The following ERLN variants were observed in gnomAD, a reference collection of about 807,000 sequenced individuals.
ERLN encodes endoregulin, also known as small integral membrane protein 6.
chr17:75,647,816 C>T, the ERLN span: 1 of 437,264 alleles, frequency 2.3e-6, no homozygotes, highest in Non-Finnish European at 4.2e-6. Context: ...CGACCAGAAC[C>T]CTAAAAGCAC....
At chr17:75,647,356 G>A in the ERLN span, 1 of 1,538,860 alleles carries the variant, frequency 6.5e-7, no homozygotes, top group Non-Finnish European at 8.8e-7. Flanking sequence ...CAGGTCCTCT[G>A]TCCCTCTTTT....
the ERLN span, among the ~76,000 whole-genome samples, chr17:75,647,178 G>A: frequency 3.9e-5 from 6 of 152,220 alleles, no homozygotes; most frequent in Non-Finnish European, 8.8e-5. Context: ...TCTAGAGCGG[G>A]GGAAATGCCA....
At chr17:75,647,743 A>T in the ERLN span, 1 of 634,220 alleles carries the variant, frequency 1.6e-6, no homozygotes, top group East Asian at 2.9e-5. Context: ...TCAGACTAGT[A>T]AGATGGGGAG....
At chr17:75,647,477 C>T in the ERLN span, 283 of 1,550,222 alleles carry the variant, frequency 1.8e-4, no homozygotes, top group Non-Finnish European at 2.3e-4. Context: ...TTCATCACCG[C>T]TGTCCTGCTT....
the ERLN span, among the ~76,000 whole-genome samples, chr17:75,647,108 A>C: frequency 4.2e-3 from 642 of 152,382 alleles, 4 homozygotes; most frequent in Non-Finnish European, 6.9e-3. Context: ...TGGAGAATCC[A>C]GGGGCATCCC....
the ERLN span, chr17:75,647,840 C>A: frequency 2.7e-6 from 1 of 364,544 alleles, no homozygotes; most frequent in Non-Finnish European, 5.2e-6. Context: ...GAGAGGATGG[C>A]TCCACTGCCT....
At chr17:75,647,641 G>A in the ERLN span, 12 of 1,440,976 alleles carry the variant, frequency 8.3e-6, no homozygotes, top group Admixed American at 4.1e-5. Context: ...GGGCCCCTTC[G>A]CGGTTCCCTC....
At chr17:75,646,815 C>T in the ERLN span, 1 of 153,008 alleles carries the variant, frequency 6.5e-6, no homozygotes, top group Non-Finnish European at 1.5e-5. Flanking sequence ...TCCACCTGGG[C>T]TGCCCTCACC....
At chr17:75,647,294 C>A in the ERLN span, 2 of 1,280,118 alleles carry the variant, frequency 1.6e-6, no homozygotes, top group Non-Finnish European at 1.1e-6. Context: ...AGGCTGGAGT[C>A]GGCGGGCAGA....
the ERLN span, chr17:75,647,887 C>T: frequency 3.9e-6 from 1 of 256,452 alleles, no homozygotes; most frequent in East Asian, 8.4e-5. Flanking sequence ...GGTTCTCTAA[C>T]AGGCTCACAG....
chr17:75,647,513 G>A, the ERLN span: 4 of 1,550,392 alleles, frequency 2.6e-6, no homozygotes, highest in Non-Finnish European at 3.5e-6. Flanking sequence ...ATCGTGTTTG[G>A]TTTACTCACT....
At chr17:75,647,576 T>G in the ERLN span, 1 of 1,549,702 alleles carries the variant, frequency 6.5e-7, no homozygotes. Context: ...CCTGACTTGC[T>G]GGGGACTGAG....
the ERLN span, chr17:75,646,620 C>CT: frequency 1.3e-5 from 2 of 152,274 alleles, no homozygotes; most frequent in African/African-American, 4.8e-5. Flanking sequence ...TGGTCAGGGC[C>CT]GCTTGGCCAC....
At chr17:75,647,469 C>A in the ERLN span, 3 of 1,550,134 alleles carry the variant, frequency 1.9e-6, no homozygotes, top group East Asian at 4.9e-5. Context: ...TTATCTTATT[C>A]ATCACCGCTG....
the ERLN span, chr17:75,647,617 C>T: frequency 6.6e-7 from 1 of 1,522,690 alleles, no homozygotes. Flanking sequence ...CTGACCTGCC[C>T]CCATTCCAGT....
the ERLN span, chr17:75,647,689 T>C: frequency 0.99 from 884,308 of 897,014 alleles, 436,223 homozygotes; most frequent in East Asian, 1. Flanking sequence ...TCCTTTCCCA[T>C]CAGGAAAAAG....
At chr17:75,647,719 T>C in the ERLN span, 3 of 722,136 alleles carry the variant, frequency 4.2e-6, no homozygotes, top group Non-Finnish European at 6.9e-6. Flanking sequence ...ATACTGTATC[T>C]GGCTTAGGGT....
At chr17:75,647,677 C>T in the ERLN span, 1 of 1,018,388 alleles carries the variant, frequency 9.8e-7, no homozygotes, top group Non-Finnish European at 1.4e-6. Flanking sequence ...GCCCTGGTGT[C>T]TTCCTTTCCC....
the ERLN span, chr17:75,647,380 G>A: frequency 6.5e-7 from 1 of 1,548,344 alleles, no homozygotes; most frequent in Non-Finnish European, 8.7e-7. Context: ...GATTCTCATG[G>A]ACCAACTGGT....
Sources: allele counts gnomAD v4.1 joint callset (sites outside exome capture counted in the v4.1 genomes callset), GRCh38; gene constraint gnomAD v4.1.1; transcripts MANE v1.5; gene names NCBI Gene and HGNC (gene_info 2026-07-23, HGNC 2026-07-21).